The following NAA50 variants were observed in gnomAD, a reference collection of about 807,000 sequenced individuals.
The protein encoded by NAA50 is N-alpha-acetyltransferase 50, NatE catalytic subunit, also known as N-alpha-acetyltransferase 50.
NAA50 carries 7 observed loss-of-function variants against 20.7 expected under a neutral mutation model. That is an observed-to-expected ratio of 0.34 (90% confidence interval 0.19 to 0.63). The LOEUF (loss-of-function observed/expected upper bound fraction) is 0.63, where lower values mean the gene tolerates loss of function less well. Ranked by LOEUF, NAA50 falls within the 30% of genes least tolerant of loss-of-function variation. NAA50 has a pLI of 0.75. For synonymous variants in NAA50, 54 were observed against 70.6 expected (o/e 0.77, Z 1.18); for missense variants, 111 against 199.1 (o/e 0.56, Z 2.66).
intron 1 of NAA50, among the ~76,000 whole-genome samples, chr3:113,731,240 T>C (rs1708268689): frequency 6.6e-6 from 1 of 152,180 alleles, no homozygotes; most frequent in Admixed American, 6.5e-5. Flanking sequence ...GTAAGTTATG[T>C]ATGTTGCAAA....
rs1391360579 is a variant in NAA50, at chr3:113,721,916, C to T, written c.354G>A (p.Glu118=). The change falls in exon 5 of 5, where the codon GAG becomes GAA. Residue 118 remains glutamate, a synonymous_variant. Coordinates refer to ENST00000240922, the MANE Select transcript of NAA50 (RefSeq NM_025146.4). ...NIYLHVQISN[E]SAIDFYRKFG... is the part of the protein sequence containing the mutation. ...ACTTCCTGTAGAAGTCAATTGCCGA[C>T]TCATTGCTGATCTGGACATGCCTGA... 6 of 1,613,698 alleles carry T rather than the reference C, an allele frequency of 3.7e-6. No individual in the cohort carries two copies. In the Admixed American group the frequency reaches 1.0e-4, roughly 27 times the overall value.
At chr3:113,733,938 TC>T (rs1452198547) in intron 1 of NAA50, among the ~76,000 whole-genome samples, 2 of 149,526 alleles carry the variant, frequency 1.3e-5, no homozygotes, top group East Asian at 3.9e-4. Context: ...GGATACTACA[TC>T]TAGAGTTTCT....
chr3:113,740,562 G>C (rs1032061971), intron 1 of NAA50, among the ~76,000 whole-genome samples: 2 of 152,106 alleles, frequency 1.3e-5, no homozygotes, highest in Non-Finnish European at 2.9e-5. Context: ...TTGTAGAGAT[G>C]AGGTCTCACT....
intron 1 of NAA50, among the ~76,000 whole-genome samples, chr3:113,737,204 T>C (rs1241207592): frequency 6.6e-6 from 1 of 152,244 alleles, no homozygotes; most frequent in African/African-American, 2.4e-5. Context: ...TAAACATTTT[T>C]CTGACGTATA....
intron 1 of NAA50, chr3:113,740,698 TA>T (rs1406012963): frequency 6.0e-6 from 1 of 165,594 alleles, no homozygotes; most frequent in Non-Finnish European, 1.3e-5. Context: ...TTTCACACTT[TA>T]AAATTTAAAA....
chr3:113,745,721 C>G (rs1190168957), intron 1 of NAA50: 1 of 547,634 alleles, frequency 1.8e-6, no homozygotes, highest in Non-Finnish European at 3.2e-6. Flanking sequence ...AACCGAAACC[C>G]TGAAGCCCCC....
intron 2 of NAA50, 68 bp from the exon 3 acceptor site, chr3:113,723,609 T>A: frequency 6.8e-7 from 1 of 1,475,386 alleles, no homozygotes; most frequent in Non-Finnish European, 9.1e-7. Flanking sequence ...TTTTCCCTTT[T>A]AAAGGACTAC....
At chr3:113,743,980 A>C (rs1210480911) in intron 1 of NAA50, among the ~76,000 whole-genome samples, 1 of 152,216 alleles carries the variant, frequency 6.6e-6, no homozygotes, top group East Asian at 1.9e-4. Context: ...TGGAGACTGA[A>C]CTAGATTGAA....
Position 113,723,491 on chromosome 3 carries a change from A to G in NAA50, c.196T>C (p.Ser66Pro). Reference protein sequence around the residue: ...VGAVCCRVDHSQNQKRLYIMT... With the variant: ...VGAVCCRVDHPQNQKRLYIMT... ...ATGTAAAGTCTCTTCTGATTCTGTGAATGATCCACCCTACAGCATACTGCA... is the reference window on the plus strand; with the variant it reads ...ATGTAAAGTCTCTTCTGATTCTGTGGATGATCCACCCTACAGCATACTGCA... Residue 66 changes from serine to proline, a missense_variant, in exon 3 of 5, where the codon TCA becomes CCA. Ser to Pro is a moderately conservative substitution (Grantham distance 74). Transcript: ENST00000240922. 1 of 1,613,164 alleles carries G rather than the reference A, an allele frequency of 6.2e-7. No homozygotes were observed. Among genetic ancestry groups the G allele is most frequent in the Non-Finnish European group, 8.5e-7 (1 of 1,179,514 alleles).
intron 1 of NAA50, among the ~76,000 whole-genome samples, chr3:113,743,731 T>C (rs1019467469): frequency 4.6e-5 from 7 of 152,164 alleles, no homozygotes; most frequent in African/African-American, 1.4e-4. Context: ...TAAGAAGTAA[T>C]AGGAACTTCA....
intron 1 of NAA50, among the ~76,000 whole-genome samples, chr3:113,736,553 G>C (rs1240691956): frequency 6.6e-6 from 1 of 152,166 alleles, no homozygotes; most frequent in African/African-American, 2.4e-5. Context: ...TTGGCACAGC[G>C]ATGTCAGATA....
intron 1 of NAA50, among the ~76,000 whole-genome samples, chr3:113,736,571 C>T (rs530218143): frequency 1.3e-5 from 2 of 152,244 alleles, no homozygotes; most frequent in East Asian, 1.9e-4. Flanking sequence ...ATATTATGGA[C>T]GCAAATGTTT....
chr3:113,721,749 T>A lies in NAA50; in HGVS notation c.*11A>T. On this transcript the variant is annotated 3_prime_UTR_variant, in exon 5 of 5. Transcript: ENST00000240922. ...GACAAGCAAGTGCAAGAAAGTTCATTTGTAATTTGTTCAGTTGTCTGTCTT... is the reference window on the plus strand; with the variant it reads ...GACAAGCAAGTGCAAGAAAGTTCATATGTAATTTGTTCAGTTGTCTGTCTT... 1 of 1,613,580 alleles carries A rather than the reference T, an allele frequency of 6.2e-7. No individual in the cohort carries two copies. Among genetic ancestry groups the A allele is most frequent in the Non-Finnish European group, 8.5e-7 (1 of 1,179,680 alleles).
chr3:113,733,186 T>A (rs1488366420), intron 1 of NAA50, among the ~76,000 whole-genome samples: 1 of 152,226 alleles, frequency 6.6e-6, no homozygotes, highest in Non-Finnish European at 1.5e-5. Context: ...AAGTCCTTTA[T>A]CAGACAGATG....
At position 113,719,389 on chromosome 3, in the gene NAA50, A is replaced by C. The variant is rs2107981655; in HGVS notation, c.*2371T>G. On this transcript the variant is annotated 3_prime_UTR_variant, in exon 5 of 5. Transcript: ENST00000240922. Reference sequence around the variant, plus strand: ...AAAAATATGATGGATATATCCTGTGATTTTCCAGTTAACAGAATTGTTCTA... The same window carrying C: ...AAAAATATGATGGATATATCCTGTGCTTTTCCAGTTAACAGAATTGTTCTA... The C allele has an allele frequency of 6.5e-6, 1 of 152,736 alleles. No individual in the cohort carries two copies. The highest frequency in any genetic ancestry group is 2.1e-4 in the South Asian group (1 of 4,830). 9.5% of individuals were successfully genotyped at this position (152,736 alleles called of 1,614,324 possible).
chr3:113,733,151 A>T (rs1385912247), intron 1 of NAA50, among the ~76,000 whole-genome samples: 2 of 152,078 alleles, frequency 1.3e-5, no homozygotes. Flanking sequence ...GTGAGTTGTA[A>T]GAGTTCTTTA....
Position 113,733,387 on chromosome 3 carries a change from A to G in NAA50, c.9-9292T>C, listed in dbSNP as rs538813020. Among the ~76,000 whole-genome samples the G allele has an allele frequency of 2.5e-3, 379 of 152,236 alleles. 2 individuals are homozygous for G. Among genetic ancestry groups the G allele is most frequent in the Non-Finnish European group, 3.6e-3 (242 of 68,016 alleles). Reference sequence around the variant, plus strand: ...GAACTATTAGCGTAAGAGATAAGGCATTTCAGCCAACTGCAATTTGTGAAC... The same window carrying G: ...GAACTATTAGCGTAAGAGATAAGGCGTTTCAGCCAACTGCAATTTGTGAAC... On this transcript the variant is annotated intron_variant, in intron 1 of 4. Transcript: ENST00000240922.
intron 1 of NAA50, among the ~76,000 whole-genome samples, chr3:113,725,202 CAAT>C (rs1334952190): frequency 1.3e-5 from 2 of 152,172 alleles, no homozygotes; most frequent in African/African-American, 2.4e-5. Context: ...AAGTGAACTT[CAAT>C]ACTGTTAAAG....
intron 1 of NAA50, chr3:113,741,065 A>C (rs1708407233): frequency 5.9e-6 from 3 of 506,350 alleles, no homozygotes; most frequent in Non-Finnish European, 1.2e-5. Flanking sequence ...GAACTGAACA[A>C]GCTGTCCACA....
Sources: allele counts gnomAD v4.1 joint callset (sites outside exome capture counted in the v4.1 genomes callset), GRCh38; gene constraint gnomAD v4.1.1; transcripts MANE v1.5; gene names NCBI Gene and HGNC (gene_info 2026-07-23, HGNC 2026-07-21).